The following CFDP1 variants were observed in gnomAD, a reference collection of about 807,000 sequenced individuals.
The protein encoded by CFDP1 is chromatin remodeling protein CFDP1, also known as heterochromatin-stabilizing protein CFDP1.
In CFDP1, 31 loss-of-function variants were observed where a neutral mutation model predicts 40.1. That is an observed-to-expected ratio of 0.77 (90% CI 0.58 to 1.04). CFDP1 has a LOEUF of 1.04. Among genes scored for constraint, CFDP1 ranks in the 50% least tolerant of loss-of-function variants. CFDP1 has a pLI of 0.00. For synonymous variants in CFDP1, 167 were observed against 120.0 expected, an observed-to-expected ratio of 1.39 and a Z score of -2.56; for missense variants, 423 against 343.4, an observed-to-expected ratio of 1.23 and a Z score of -1.83.
intron 4 of CFDP1, among the ~76,000 whole-genome samples, chr16:75,408,021 T>A (rs2079118432): frequency 6.6e-6 from 1 of 151,868 alleles, no homozygotes; most frequent in African/African-American, 2.4e-5. Context: ...GGAGAATGAC[T>A]TGAGTCCTGG....
At chr16:75,300,962 G>A (rs2078217498) in intron 6 of CFDP1, among the ~76,000 whole-genome samples, 1 of 152,154 alleles carries the variant, frequency 6.6e-6, no homozygotes, top group Non-Finnish European at 1.5e-5. Flanking sequence ...ATGCCACCAA[G>A]CTCTACTTCC....
Position 75,412,523 on chromosome 16 carries a change from G to A in CFDP1, c.402+12C>T. 1 of 1,603,724 alleles carries A rather than the reference G, an allele frequency of 6.2e-7. No homozygotes were observed. The highest frequency in any genetic ancestry group is 8.5e-7 in the Non-Finnish European group (1 of 1,170,474). On this transcript the variant is annotated intron_variant, in intron 3 of 6. Coordinates refer to ENST00000283882, the MANE Select transcript of CFDP1 (RefSeq NM_006324.3). ...CTGGAGAGGCATTCACCTCACTAAT[G>A]TCTCAACTTACCTTAACTTGTGTAC...
At chr16:75,410,858 G>A (rs34923492) in intron 4 of CFDP1, among the ~76,000 whole-genome samples, 75,426 of 144,918 alleles carry the variant, frequency 0.52, 20,488 homozygotes, top group Admixed American at 0.64. Flanking sequence ...GCAGTGAGCC[G>A]AGACTGTGCC....
chr16:75,432,147 T>C (rs1342629728), intron 1 of CFDP1, among the ~76,000 whole-genome samples: 16 of 151,004 alleles, frequency 1.1e-4, no homozygotes, highest in African/African-American at 3.9e-4. Context: ...CCAGACCTTG[T>C]GATCCACCCA....
intron 5 of CFDP1, among the ~76,000 whole-genome samples, chr16:75,348,295 C>T (rs1039300807): frequency 2.6e-5 from 4 of 152,054 alleles, no homozygotes; most frequent in African/African-American, 9.7e-5. Flanking sequence ...GCTTGGCTCC[C>T]AATGTTAATT....
intron 4 of CFDP1, 126 bp from the exon 5 acceptor site, chr16:75,395,335 T>A: frequency 9.9e-7 from 1 of 1,008,540 alleles, no homozygotes; most frequent in Non-Finnish European, 1.4e-6. Context: ...ACGCTCAGCA[T>A]TATGATAAAA....
At chr16:75,317,485 T>A (rs767364331) in intron 5 of CFDP1, among the ~76,000 whole-genome samples, 1 of 152,078 alleles carries the variant, frequency 6.6e-6, no homozygotes, top group African/African-American at 2.4e-5. Flanking sequence ...AAATGTTGAG[T>A]GTAATGGAAA....
chr16:75,298,334 C>T (rs1253392648), intron 6 of CFDP1, among the ~76,000 whole-genome samples: 1 of 152,138 alleles, frequency 6.6e-6, no homozygotes, highest in Non-Finnish European at 1.5e-5. Context: ...GTGGTAAGGC[C>T]CAATGGAGTG....
At chr16:75,345,002 A>G (rs1377574469) in intron 5 of CFDP1, among the ~76,000 whole-genome samples, 1 of 152,134 alleles carries the variant, frequency 6.6e-6, no homozygotes, top group African/African-American at 2.4e-5. Context: ...CGTGTCTGTA[A>G]TCACAGCACC....
chr16:75,397,726 A>G (rs997356652), intron 4 of CFDP1, among the ~76,000 whole-genome samples: 56 of 152,128 alleles, frequency 3.7e-4, no homozygotes, highest in African/African-American at 1.3e-3. Context: ...GAACCTCATG[A>G]ACCCAGAAGG....
intron 5 of CFDP1, among the ~76,000 whole-genome samples, chr16:75,319,246 G>A (rs536305345): frequency 3.8e-4 from 58 of 152,184 alleles, no homozygotes; most frequent in African/African-American, 1.2e-3. Context: ...GTTTCACCAT[G>A]TTGGCCAGGA....
At chr16:75,303,404 T>TAAATAAATAAATAAATAA (rs1567639342) in intron 6 of CFDP1, among the ~76,000 whole-genome samples, 2 of 41,506 alleles carry the variant, frequency 4.8e-5, no homozygotes, top group African/African-American at 1.0e-4. Context: ...TAAATAAATG[T>TAAATAAATAAATAAATAA]ATGTATGTAT....
chr16:75,294,444 G>C (rs920930220), intron 6 of CFDP1, among the ~76,000 whole-genome samples: 30 of 152,220 alleles, frequency 2.0e-4, no homozygotes, highest in African/African-American at 7.0e-4. Flanking sequence ...GTTTTTCTTG[G>C]CTTTAGTGGT....
intron 1 of CFDP1, among the ~76,000 whole-genome samples, chr16:75,420,870 T>C (rs539835768): frequency 9.8e-5 from 15 of 152,330 alleles, no homozygotes; most frequent in African/African-American, 3.6e-4. Context: ...TGATTTTTAA[T>C]TTAACTGTCT....
intron 5 of CFDP1, among the ~76,000 whole-genome samples, chr16:75,350,712 C>G (rs1452867024): frequency 6.6e-6 from 1 of 151,940 alleles, no homozygotes. Flanking sequence ...ACTAATTGAA[C>G]AAACTGGTAA....
intron 5 of CFDP1, among the ~76,000 whole-genome samples, chr16:75,319,307 G>T (rs1359280637): frequency 6.6e-6 from 1 of 152,150 alleles, no homozygotes; most frequent in Non-Finnish European, 1.5e-5. Context: ...CTCCCAAAGT[G>T]CTGGGATTAC....
At chr16:75,415,557 C>A (rs574624563) in intron 1 of CFDP1, among the ~76,000 whole-genome samples, 1 of 152,208 alleles carries the variant, frequency 6.6e-6, no homozygotes, top group Non-Finnish European at 1.5e-5. Context: ...GAACCAATAT[C>A]CTGACTTCTA....
Position 75,294,129 on chromosome 16 carries a change from G to C in CFDP1, c.810-87C>G, listed in dbSNP as rs1285378522. ...GTCCCATCCCCCAGGGATAAACTAA[G>C]TTACAGTAAATGGTGCCGAGAGTGA... is the stretch of plus-strand genomic sequence containing the variant. On this transcript the variant is annotated intron_variant, in intron 6 of 6. Coordinates refer to ENST00000283882, the MANE Select transcript of CFDP1 (RefSeq NM_006324.3). 4 of 999,622 alleles carry C rather than the reference G, an allele frequency of 4.0e-6. No homozygotes were observed. The African/African-American group carries it at 4.8e-5, about 12-fold the overall frequency. The allele number at this position is 999,622 out of a possible 1,614,324, so 61.9% of individuals were successfully genotyped here.
chr16:75,310,303 G>C (rs2151503176), intron 5 of CFDP1, among the ~76,000 whole-genome samples: 2 of 152,230 alleles, frequency 1.3e-5, no homozygotes, highest in Non-Finnish European at 2.9e-5. Context: ...TATCTTTCTT[G>C]CATATTTTGT....
Sources: allele counts gnomAD v4.1 joint callset (sites outside exome capture counted in the v4.1 genomes callset), GRCh38; gene constraint gnomAD v4.1.1; transcripts MANE v1.5; gene names NCBI Gene and HGNC (gene_info 2026-07-23, HGNC 2026-07-21).